The following PALM2AKAP2 variants were observed in gnomAD, a reference collection of about 807,000 sequenced individuals.
The protein encoded by PALM2AKAP2 is PALM2-AKAP2 fusion protein.
Under a neutral mutation model 71.5 loss-of-function variants are expected in PALM2AKAP2, and 37 were observed. The ratio of observed to expected loss-of-function variants is 0.52; its 90% confidence interval spans 0.40 to 0.68. The LOEUF is 0.68. Ranked by LOEUF, PALM2AKAP2 falls within the 30% of genes least tolerant of loss-of-function variation. The pLI is 0.00. For synonymous variants in PALM2AKAP2, 468 were observed against 478.8 expected, an observed-to-expected ratio of 0.98 and a Z score of 0.29; for missense variants, 1,224 against 1,191.8, an observed-to-expected ratio of 1.03 and a Z score of -0.40.
chr9:110,010,998 A>AAG (rs1832872306), intron 6 of PALM2AKAP2, among the ~76,000 whole-genome samples: 1 of 86,404 alleles, frequency 1.2e-5, no homozygotes, highest in African/African-American at 6.0e-5. Context: ...CTCTGTCTCA[A>AAG]AAAAAAAAAA....
At chr9:109,940,606 G>T (rs1056610669) in intron 6 of PALM2AKAP2, among the ~76,000 whole-genome samples, 4 of 152,128 alleles carry the variant, frequency 2.6e-5, no homozygotes, top group African/African-American at 9.7e-5. Flanking sequence ...TCAGAAAGAG[G>T]TAGGGACTCA....
rs55704832 is a variant in PALM2AKAP2, at chr9:109,953,482, C to A, written c.496+21454C>A. 3.9e-3 allele frequency among the ~76,000 whole-genome samples: 592 copies of A among 152,224 alleles called. 4 individuals are homozygous for A. The highest frequency in any genetic ancestry group is 0.012 in the African/African-American group (478 of 41,530). On this transcript the variant is annotated intron_variant, in intron 6 of 9. Transcript: ENST00000302798. ...TGTGGGGTGGAGGAGGGCCAAGTTC[C>A]AACCTCAGTTGTCTTTACTTCCTCC...
intron 1 of PALM2AKAP2, among the ~76,000 whole-genome samples, chr9:110,091,754 G>A (rs536626084): frequency 1.2e-4 from 19 of 152,076 alleles, no homozygotes; most frequent in African/African-American, 7.2e-5. Context: ...GAGCCACCGC[G>A]CCCAGCCAAG....
intron 1 of PALM2AKAP2, among the ~76,000 whole-genome samples, chr9:109,793,229 C>G (rs1053679689): frequency 6.6e-6 from 1 of 152,190 alleles, no homozygotes; most frequent in Non-Finnish European, 1.5e-5. Flanking sequence ...CTAATATGTG[C>G]TCAAGGAAGG....
intron 1 of PALM2AKAP2, among the ~76,000 whole-genome samples, chr9:109,845,143 C>T (rs1213565783): frequency 2.0e-5 from 3 of 152,218 alleles, no homozygotes; most frequent in Non-Finnish European, 2.9e-5. Context: ...CTGCTTTATC[C>T]GTACTCTATC....
chr9:109,768,713 A>G (rs962082), intron 1 of PALM2AKAP2, among the ~76,000 whole-genome samples: 127,523 of 152,234 alleles, frequency 0.84, 53,993 homozygotes, highest in African/African-American at 0.96. Context: ...TGTAAAATTC[A>G]GATAATAATA....
At chr9:110,036,975 C>A (rs1339936428) in intron 7 of PALM2AKAP2, among the ~76,000 whole-genome samples, 1 of 152,136 alleles carries the variant, frequency 6.6e-6, no homozygotes, top group African/African-American at 2.4e-5. Flanking sequence ...AATATCTATC[C>A]CTTTACCCTG....
chr9:109,691,835 T>TAG (rs1827890149), intron 1 of PALM2AKAP2, among the ~76,000 whole-genome samples: 1 of 12,956 alleles, frequency 7.7e-5, no homozygotes, highest in East Asian at 1.9e-3. Context: ...AGAAAGACGA[T>TAG]ATATATATAT....
intron 1 of PALM2AKAP2, among the ~76,000 whole-genome samples, chr9:109,713,475 T>C (rs574950215): frequency 2.0e-5 from 3 of 152,336 alleles, no homozygotes; most frequent in Admixed American, 6.5e-5. Flanking sequence ...TCCTGTATTA[T>C]GTCAGGGAAT....
intron 1 of PALM2AKAP2, among the ~76,000 whole-genome samples, chr9:109,802,295 A>G (rs1827453834): frequency 6.6e-6 from 1 of 152,170 alleles, no homozygotes; most frequent in East Asian, 1.9e-4. Context: ...CTGTAGTCAC[A>G]TAGGTTCCCC....
Position 109,773,014 on chromosome 9 carries a change from A to T in PALM2AKAP2, c.6-7474A>T, listed in dbSNP as rs576839386. On this transcript the variant is annotated intron_variant, in intron 1 of 6. Transcript: ENST00000374531. ...GCGCCTGTAGTCCTAGCTACTTGGG[A>T]GGCTAAGGCCGGAGAATGGCGTGAA... Among the ~76,000 whole-genome samples the T allele has an allele frequency of 3.3e-5, 5 of 152,276 alleles. No homozygotes were observed. The South Asian group carries it at 1.0e-3, about 32-fold the overall frequency.
At chr9:109,891,957 A>G (rs1830099979) in intron 3 of PALM2AKAP2, among the ~76,000 whole-genome samples, 1 of 152,180 alleles carries the variant, frequency 6.6e-6, no homozygotes, top group East Asian at 1.9e-4. Context: ...ATGTTTCCTT[A>G]TCATTTTTCA....
intron 1 of PALM2AKAP2, among the ~76,000 whole-genome samples, chr9:110,129,043 C>T (rs1453442582): frequency 6.6e-6 from 1 of 152,330 alleles, no homozygotes; most frequent in Admixed American, 6.5e-5. Context: ...ATGACATGGA[C>T]ATGGGATCTT....
At chr9:109,826,229 G>T (rs966478989) in intron 1 of PALM2AKAP2, among the ~76,000 whole-genome samples, 1 of 151,988 alleles carries the variant, frequency 6.6e-6, no homozygotes, top group Non-Finnish European at 1.5e-5. Flanking sequence ...GTGGGGGTAG[G>T]GGGGAGGGAT....
At chr9:109,890,137 A>G (rs1445973377) in intron 3 of PALM2AKAP2, among the ~76,000 whole-genome samples, 1 of 152,206 alleles carries the variant, frequency 6.6e-6, no homozygotes, top group Non-Finnish European at 1.5e-5. Context: ...ACTCTTCCAC[A>G]GTTTTCATGA....
At chr9:110,115,474 C>T (rs140558640) in intron 1 of PALM2AKAP2, among the ~76,000 whole-genome samples, 25 of 152,318 alleles carry the variant, frequency 1.6e-4, no homozygotes, top group Admixed American at 2.6e-4. Flanking sequence ...GGCTGCCTGC[C>T]GTGTCCTATT....
intron 1 of PALM2AKAP2, among the ~76,000 whole-genome samples, chr9:110,064,025 T>C (rs1174477488): frequency 3.3e-5 from 5 of 152,156 alleles, no homozygotes; most frequent in African/African-American, 9.7e-5. Flanking sequence ...TCTGAAGCCT[T>C]GCCAGTTCCC....
intron 1 of PALM2AKAP2, among the ~76,000 whole-genome samples, chr9:109,742,697 G>T (rs1304034876): frequency 1.3e-5 from 2 of 152,078 alleles, no homozygotes; most frequent in Non-Finnish European, 2.9e-5. Flanking sequence ...ATAAACCTAT[G>T]CTGGCCCCTT....
intron 3 of PALM2AKAP2, among the ~76,000 whole-genome samples, chr9:109,891,640 G>A (rs180836812): frequency 1.4e-4 from 21 of 152,200 alleles, no homozygotes; most frequent in Admixed American, 3.3e-4. Flanking sequence ...ACAGGCACCC[G>A]CCACCATGCC....
Sources: allele counts gnomAD v4.1 joint callset (sites outside exome capture counted in the v4.1 genomes callset), GRCh38; gene constraint gnomAD v4.1.1; transcripts MANE v1.5; gene names NCBI Gene and HGNC (gene_info 2026-07-23, HGNC 2026-07-21).